RELN: variants seen among roughly 807,000 people sequenced by gnomAD.
RELN encodes the protein reelin.
A neutral mutation model predicts 427.6 loss-of-function variants in RELN; 108 were observed. That is an observed-to-expected ratio of 0.25 (90% confidence interval 0.22 to 0.30). The LOEUF (loss-of-function observed/expected upper bound fraction) is 0.30, where lower values mean the gene tolerates loss of function less well. Among genes scored for constraint, RELN ranks in the 10% least tolerant of loss-of-function variants. RELN has a pLI of 1.00. For synonymous variants in RELN, 1,524 were observed against 1,513.4 expected, an observed-to-expected ratio of 1.01 and a Z score of -0.16; for missense variants, 3,715 against 4,302.8, an observed-to-expected ratio of 0.86 and a Z score of 3.82.
At chr7:103,875,508 T>C (rs1195603494) in intron 2 of RELN, among the ~76,000 whole-genome samples, 1 of 152,152 alleles carries the variant, frequency 6.6e-6, no homozygotes, top group Non-Finnish European at 1.5e-5. Flanking sequence ...TTTGAAATAC[T>C]GGTCAAACAT....
chr7:103,683,156 T>A (rs2299359), intron 10 of RELN, among the ~76,000 whole-genome samples: 31,747 of 152,036 alleles, frequency 0.21, 3,968 homozygotes, highest in South Asian at 0.36. Context: ...TTAAGTTTTA[T>A]ATACTCTTAA....
chr7:103,965,228 T>G (rs976092595), intron 1 of RELN, among the ~76,000 whole-genome samples: 2 of 152,166 alleles, frequency 1.3e-5, no homozygotes, highest in Non-Finnish European at 2.9e-5. Context: ...TGAGAGAAAT[T>G]TTTAAAACAG....
Position 103,640,023 on chromosome 7 carries a change from T to C in RELN, c.2069+520A>G, listed in dbSNP as rs1358131038. Among the ~76,000 whole-genome samples, 1 of 152,210 alleles carries C rather than the reference T, an allele frequency of 6.6e-6. No individual in the cohort carries two copies. The highest frequency in any genetic ancestry group is 2.4e-5 in the African/African-American group (1 of 41,466). ...AGACTTTATATTCAACAGCATTGTT[T>C]TGTAAAATACTTTATAATTTATTAA... On this transcript the variant is annotated intron_variant, in intron 17 of 64. Coordinates refer to ENST00000428762, the MANE Select transcript of RELN (RefSeq NM_005045.4). This position sits in a 1 kb window ranked among gnomAD's most constrained non-coding sequence, Gnocchi z 4.1.
At chr7:103,715,433 C>G (rs908479627) in intron 8 of RELN, among the ~76,000 whole-genome samples, 1 of 152,166 alleles carries the variant, frequency 6.6e-6, no homozygotes, top group African/African-American at 2.4e-5. Flanking sequence ...TAGTAATAAT[C>G]TCTGTTTTGA....
chr7:103,590,562 C>CAATCAATCAATA (rs776092533), intron 27 of RELN, among the ~76,000 whole-genome samples: 4 of 36,132 alleles, frequency 1.1e-4, no homozygotes, highest in African/African-American at 3.6e-4. Context: ...TCCATCTCAA[C>CAATCAATCAATA]AATAAATAAA....
In RELN at chr7:103,500,885, T is replaced by A; in HGVS notation, c.8527A>T (p.Met2843Leu). 1 of 1,614,146 alleles carries A rather than the reference T, an allele frequency of 6.2e-7. No homozygotes were observed. The highest frequency in any genetic ancestry group is 1.6e-4 in the Middle Eastern group (1 of 6,062). ...TAGAAATTATCGATTGCCCACTGCA[T>A]GTCTGAGTACTTCTGATAGAACCTA... ...RFRFYQKYSDMQWAIDNFYLG... is the reference protein window; with the variant it reads ...RFRFYQKYSDLQWAIDNFYLG... Residue 2843 changes from methionine to leucine, a missense_variant, in exon 53 of 65, where the codon ATG (methionine) becomes TTG (leucine). Physicochemically the swap from Met to Leu is conservative, Grantham distance 15. Transcript: ENST00000428762.
At chr7:103,653,942 G>A (rs1562941645) in intron 13 of RELN, 151 bp downstream of exon 13, 1 of 652,462 alleles carries the variant, frequency 1.5e-6, no homozygotes, top group Non-Finnish European at 2.8e-6. Context: ...AGGTTAAAAT[G>A]TCTATTTCAC....
chr7:103,604,831 CT>C lies in RELN; in HGVS notation c.3009-349del, dbSNP rs34015200. Among the ~76,000 whole-genome samples the C allele has an allele frequency of 1.9e-3, 266 of 138,684 alleles. 1 individual carries two copies. Among genetic ancestry groups the C allele is most frequent in the African/African-American group, 4.0e-3 (150 of 37,382 alleles). 91.0% of individuals were successfully genotyped at this position (138,684 alleles called of 152,430 possible). A position where few individuals can be genotyped will look rare whatever the true frequency, so the allele number is the denominator to read the frequency against. ...CATCTACTAAACTGAACCTATCTTT[CT>C]TTTTTTTTTTTTTTTGAGACAGAGT... is the stretch of plus-strand genomic sequence containing the variant. On this transcript the variant is annotated intron_variant, in intron 22 of 64. Transcript: ENST00000428762.
At chr7:103,777,942 G>A (rs1458649724) in intron 3 of RELN, among the ~76,000 whole-genome samples, 1 of 143,434 alleles carries the variant, frequency 7.0e-6, no homozygotes, top group African/African-American at 2.6e-5. Flanking sequence ...AGTTTTGAAT[G>A]GTGGAAGGGA....
chr7:103,536,038 C>T (rs906636755), intron 45 of RELN, among the ~76,000 whole-genome samples: 35 of 152,092 alleles, frequency 2.3e-4, no homozygotes, highest in African/African-American at 8.4e-4. Context: ...CAGACTTCTC[C>T]AATTTTGACC....
intron 3 of RELN, among the ~76,000 whole-genome samples, chr7:103,779,209 G>A (rs2299386): frequency 0.37 from 56,276 of 151,980 alleles, 11,128 homozygotes; most frequent in Middle Eastern, 0.5. Context: ...AATGTTCCAG[G>A]CACCAGCCAA....
chr7:103,971,990 T>C (rs1796773160), intron 1 of RELN, among the ~76,000 whole-genome samples: 1 of 152,088 alleles, frequency 6.6e-6, no homozygotes, highest in African/African-American at 2.4e-5. Context: ...GGAGAATCAC[T>C]TGAACTCATG....
intron 8 of RELN, among the ~76,000 whole-genome samples, 197 bp from the exon 9 acceptor site, chr7:103,701,203 A>G (rs1484661058): frequency 6.6e-6 from 1 of 152,148 alleles, no homozygotes; most frequent in South Asian, 2.1e-4. Context: ...AGGAACCAGA[A>G]AAAAAGGTAA....
chr7:103,796,342 C>T (rs771806442), intron 3 of RELN, among the ~76,000 whole-genome samples: 3 of 152,164 alleles, frequency 2.0e-5, no homozygotes, highest in Non-Finnish European at 4.4e-5. Flanking sequence ...TCTCCCAGCA[C>T]ATCAATTAAT....
At chr7:103,791,403 T>C (rs1021199526) in intron 3 of RELN, among the ~76,000 whole-genome samples, 4 of 152,194 alleles carry the variant, frequency 2.6e-5, no homozygotes, top group Admixed American at 6.5e-5. Context: ...AACAGATGTA[T>C]AGATCAATAG....
chr7:103,846,022 T>C (rs915811303), intron 2 of RELN, among the ~76,000 whole-genome samples: 3 of 152,132 alleles, frequency 2.0e-5, no homozygotes, highest in African/African-American at 7.2e-5. Flanking sequence ...ATTTATAGAT[T>C]CAAATCTATT....
At chr7:103,709,394 G>T (rs1415152371) in intron 8 of RELN, among the ~76,000 whole-genome samples, 1 of 152,170 alleles carries the variant, frequency 6.6e-6, no homozygotes, top group South Asian at 2.1e-4. Flanking sequence ...AAGATATGGC[G>T]ACTGCTTTAA....
rs1374522554 is a variant in RELN, at chr7:103,796,893, AAGAAAGAAAG to A, written c.474-20276_474-20267del. On this transcript the variant is annotated intron_variant, in intron 3 of 64. Coordinates refer to ENST00000428762, the MANE Select transcript of RELN (RefSeq NM_005045.4). ...CATCTCACAAAAAAAAAAAAAAAAA[AAGAAAGAAAG>A]AAAAAGAAAAAGAAAAAGAAAGTAA... Among the ~76,000 whole-genome samples, 980 of 128,722 alleles carry A rather than the reference AAGAAAGAAAG, an allele frequency of 7.6e-3. 16 individuals are homozygous for A. The highest frequency in any genetic ancestry group is 0.026 in the African/African-American group (850 of 33,024). 84.4% of individuals were successfully genotyped at this position (128,722 alleles called of 152,430 possible).
intron 34 of RELN, among the ~76,000 whole-genome samples, chr7:103,565,070 A>G (rs1830718540): frequency 6.6e-6 from 1 of 152,242 alleles, no homozygotes; most frequent in Non-Finnish European, 1.5e-5. Context: ...CAAAGAACAG[A>G]AAAGTTCAGC....
Sources: gnomAD v4.1 joint callset for allele counts (sites outside exome capture counted in the v4.1 genomes callset) on GRCh38, gnomAD v4.1.1 for gene constraint, Gnocchi (gnomAD v3.1) non-coding constraint, MANE v1.5 for transcripts, NCBI Gene and HGNC (gene_info 2026-07-23, HGNC 2026-07-21) for gene names.